SYCE3: variants seen among roughly 807,000 people sequenced by gnomAD.
SYCE3 encodes testis highly expressed gene 2 protein.
SYCE3 carries 3 observed loss-of-function variants against 8.1 expected under a neutral mutation model. The ratio of observed to expected loss-of-function variants is 0.37; its 90% CI spans 0.17 to 0.96. SYCE3 has a LOEUF of 0.96. SYCE3 is among the 40% of genes least tolerant of loss of function. The pLI is 0.41. For synonymous variants in SYCE3, 36 were observed against 38.7 expected, an observed-to-expected ratio of 0.93 and a Z score of 0.26; for missense variants, 83 against 110.0, an observed-to-expected ratio of 0.75 and a Z score of 1.10.
Position 50,555,046 on chromosome 22 carries a change from C to T in SYCE3, c.109+1251G>A, listed in dbSNP as rs374568085. Among the ~76,000 whole-genome samples the T allele has an allele frequency of 2.6e-3, 393 of 151,680 alleles. 16 individuals are homozygous for T. In the East Asian group the frequency reaches 0.07, roughly 27 times the overall value. The stretch of plus-strand genomic sequence containing the variant: ...CTGAGGCAGGAGAATGGCATGAACC[C>T]GGGAGGCGGAGCTTGCAGTGAGCCG... On this transcript the variant is annotated intron_variant, in intron 2 of 2. Transcript: ENST00000406915.
intron 1 of SYCE3, among the ~76,000 whole-genome samples, chr22:50,560,554 A>AT (rs34405688): frequency 0.26 from 38,954 of 152,058 alleles, 5,258 homozygotes; most frequent in Middle Eastern, 0.34. Flanking sequence ...AAGTAAAAAT[A>AT]TTTCATGAAT....
rs1047437822 is a variant in SYCE3, at chr22:50,555,152, C to T, written c.109+1145G>A. On this transcript the variant is annotated intron_variant, in intron 2 of 2. Transcript: ENST00000406915. ...AAATAAATAAATAAATAAAACCAAG[C>T]TGTGCTCTGACCACCTTGGGCACAT... Among the ~76,000 whole-genome samples the T allele has an allele frequency of 2.8e-4, 7 of 24,576 alleles. No individual in the cohort carries two copies. In the East Asian group the frequency reaches 0.036, roughly 125 times the overall value. 16.1% of individuals were successfully genotyped at this position (24,576 alleles called of 152,430 possible). A position where few individuals can be genotyped will look rare whatever the true frequency, so the allele number is the denominator to read the frequency against.
At chr22:50,559,067 T>G (rs2069888541) in intron 1 of SYCE3, among the ~76,000 whole-genome samples, 1 of 152,178 alleles carries the variant, frequency 6.6e-6, no homozygotes, top group Non-Finnish European at 1.5e-5. Context: ...GGCTCTCTCC[T>G]TTACTGGCTC....
At position 50,551,165 on chromosome 22, in the gene SYCE3, T is replaced by C; in HGVS notation, c.*80A>G. 6.7e-7 allele frequency: 1 copy of C among 1,503,656 alleles called. No homozygotes were observed. The highest frequency in any genetic ancestry group is 9.0e-7 in the Non-Finnish European group (1 of 1,112,668). 93.1% of individuals were successfully genotyped at this position (1,503,656 alleles called of 1,614,324 possible). A position where few individuals can be genotyped will look rare whatever the true frequency, so the allele number is the denominator to read the frequency against. On this transcript the variant is annotated 3_prime_UTR_variant, in exon 3 of 3. Coordinates refer to ENST00000406915, the MANE Select transcript of SYCE3 (RefSeq NM_001123225.3). ...CAAGTACAGTGCATACAGCTATTCA[T>C]GTGGGTGCCAGCTCCATCCCCCAGT...
At chr22:50,558,135 T>A (rs1395210674) in intron 1 of SYCE3, among the ~76,000 whole-genome samples, 1 of 152,140 alleles carries the variant, frequency 6.6e-6, no homozygotes, top group African/African-American at 2.4e-5. Context: ...AAGAAAATCA[T>A]GATCGTGGCC....
chr22:50,551,338 G>A lies in SYCE3; in HGVS notation c.174C>T (p.Ser58=). ...VMRTNPTLAE[S]MRRLEDAFVN... ...CGAAGGCATCCTCCAGCCGACGCAT[G>A]GACTCGGCCAGCGTAGGGTTGGTGC... Residue 58 remains serine, a synonymous_variant, in exon 3 of 3, where the codon TCC becomes TCT. Coordinates refer to ENST00000406915, the MANE Select transcript of SYCE3 (RefSeq NM_001123225.3). 1 of 1,551,300 alleles carries A rather than the reference G, an allele frequency of 6.4e-7. No homozygotes were observed. Among genetic ancestry groups the A allele is most frequent in the Non-Finnish European group, 8.7e-7 (1 of 1,146,982 alleles).
intron 1 of SYCE3, among the ~76,000 whole-genome samples, chr22:50,558,716 G>C (rs9628209): frequency 0.057 from 8,749 of 152,200 alleles, 547 homozygotes; most frequent in African/African-American, 0.15. Flanking sequence ...AGGGCAGGGG[G>C]CTAATAGTGG....
rs545134344 is a variant in SYCE3 at position 50,555,706 on chromosome 22, C to A, written c.109+591G>T. On this transcript the variant is annotated intron_variant, in intron 2 of 2. Transcript: ENST00000406915. The stretch of plus-strand genomic sequence containing the variant: ...AGACCATAACTCTTTCAACCAATTG[C>A]CAATCAGAAAAAATTTAAATCTATC... Among the ~76,000 whole-genome samples, 4 of 152,196 alleles carry A rather than the reference C, an allele frequency of 2.6e-5. No individual in the cohort carries two copies. In the South Asian group the frequency reaches 8.3e-4, roughly 32 times the overall value.
In SYCE3 at chr22:50,560,875, G is replaced by C. The variant is rs558363921; in HGVS notation, c.-1+1983C>G. ...TAGAGGTCAAGGTAGGATGGCAAGGGGGGGATTTCAGGCCCGATGGTCTCT... is the reference window on the plus strand; with the variant it reads ...TAGAGGTCAAGGTAGGATGGCAAGGCGGGGATTTCAGGCCCGATGGTCTCT... On this transcript the variant is annotated intron_variant, in intron 1 of 2. Transcript: ENST00000406915. Among the ~76,000 whole-genome samples, 13 of 152,292 alleles carry C rather than the reference G, an allele frequency of 8.5e-5. No homozygotes were observed. In the South Asian group the frequency reaches 2.7e-3, roughly 32 times the overall value.
intron 2 of SYCE3, among the ~76,000 whole-genome samples, chr22:50,555,247 T>C (rs1349040466): frequency 1.3e-5 from 2 of 152,172 alleles, no homozygotes; most frequent in African/African-American, 4.8e-5. Flanking sequence ...ACTCTCTAAA[T>C]TAACTGATAC....
chr22:50,559,637 A>G (rs1260028619), intron 1 of SYCE3, among the ~76,000 whole-genome samples: 1 of 152,180 alleles, frequency 6.6e-6, no homozygotes, highest in Admixed American at 6.6e-5. Context: ...GAGTGTTAGA[A>G]GTGGAGGTAG....
intron 2 of SYCE3, among the ~76,000 whole-genome samples, chr22:50,554,434 G>T (rs142975638): frequency 0.027 from 4,043 of 150,142 alleles, 69 homozygotes; most frequent in Non-Finnish European, 0.038. Flanking sequence ...TGGCTCACGC[G>T]TGTAATCCCA....
chr22:50,556,928 C>A (rs183370224), intron 1 of SYCE3, among the ~76,000 whole-genome samples: 9 of 151,900 alleles, frequency 5.9e-5, no homozygotes, highest in African/African-American at 2.2e-4. Context: ...AGCCTGGAGG[C>A]GGGTACGTTT....
intron 2 of SYCE3, among the ~76,000 whole-genome samples, chr22:50,552,522 G>T (rs981102998): frequency 6.6e-6 from 1 of 152,190 alleles, no homozygotes; most frequent in Non-Finnish European, 1.5e-5. Context: ...GCCGGGTGTG[G>T]TGGTGGGTGC....
In SYCE3 at chr22:50,551,292, C is replaced by T. The variant is rs1413699121; in HGVS notation, c.220G>A (p.Glu74Lys). The T allele has an allele frequency of 6.4e-7, 1 of 1,551,290 alleles. No individual in the cohort carries two copies. Among genetic ancestry groups the T allele is most frequent in the Non-Finnish European group, 8.7e-7 (1 of 1,146,974 alleles). ...TGCAGCAGCTCTTGCCAGTTCTTCT[C>T]CATCTCCTCCTTGCAGTTGACGAAG... ...DAFVNCKEEMEKNWQELLHET... is the reference protein window; with the variant it reads ...DAFVNCKEEMKKNWQELLHET... Residue 74 changes from glutamate (E) to lysine (K), a missense_variant, in exon 3 of 3, where the codon GAG (glutamate) becomes AAG (lysine). By Grantham distance (56) the Glu-to-Lys change is moderately conservative. Coordinates refer to ENST00000406915, the MANE Select transcript of SYCE3 (RefSeq NM_001123225.3).
chr22:50,552,273 G>A (rs2069816776), intron 2 of SYCE3, among the ~76,000 whole-genome samples: 1 of 152,202 alleles, frequency 6.6e-6, no homozygotes, highest in African/African-American at 2.4e-5. Flanking sequence ...CTGGACAGCA[G>A]GTGCAGCAGG....
chr22:50,551,757 T>TA (rs1241154191), intron 2 of SYCE3, among the ~76,000 whole-genome samples: 3 of 152,152 alleles, frequency 2.0e-5, no homozygotes, highest in Non-Finnish European at 4.4e-5. Flanking sequence ...AGGTGACCCC[T>TA]AAGGAGTCAT....
At chr22:50,555,047 G>A (rs1242470236) in intron 2 of SYCE3, among the ~76,000 whole-genome samples, 3 of 152,012 alleles carry the variant, frequency 2.0e-5, no homozygotes, top group Non-Finnish European at 4.4e-5. Flanking sequence ...GCATGAACCC[G>A]GGAGGCGGAG....
chr22:50,556,555 G>T, intron 1 of SYCE3, 150 bp from the exon 2 acceptor site: 1 of 574,220 alleles, frequency 1.7e-6, no homozygotes, highest in Non-Finnish European at 3.1e-6. Flanking sequence ...CTGTTGTGAA[G>T]GTTAAATGGG....
Sources: gnomAD v4.1 joint callset for allele counts (sites outside exome capture counted in the v4.1 genomes callset) on GRCh38, gnomAD v4.1.1 for gene constraint, MANE v1.5 for transcripts, NCBI Gene and HGNC (gene_info 2026-07-23, HGNC 2026-07-21) for gene names.